The following SPATA6L variants were observed in gnomAD, a reference collection of about 807,000 sequenced individuals.
SPATA6L encodes the protein spermatogenesis associated 6 like, also known as spermatogenesis associated 6-like protein.
SPATA6L carries 68 observed loss-of-function variants against 49.2 expected under a neutral mutation model. The ratio of observed to expected loss-of-function variants is 1.38; its 90% CI spans 1.14 to 1.69. The LOEUF (loss-of-function observed/expected upper bound fraction) is 1.69, where lower values mean the gene tolerates loss of function less well. Among genes scored for constraint, SPATA6L ranks in the 40% most tolerant of loss-of-function variants. The probability of loss-of-function intolerance (pLI) is 0.00; values close to 1 mark genes in which losing one functional copy is unlikely to be tolerated. For synonymous variants in SPATA6L, 198 were observed against 165.7 expected (o/e 1.19, Z -1.50); for missense variants, 668 against 464.3 (o/e 1.44, Z -4.03).
intron 3 of SPATA6L, among the ~76,000 whole-genome samples, chr9:4,638,576 A>T (rs10125778): frequency 0.14 from 21,510 of 151,992 alleles, 2,358 homozygotes; most frequent in African/African-American, 0.3. Flanking sequence ...GCCTTCTTCA[A>T]CCATGCTCCT....
intron 3 of SPATA6L, among the ~76,000 whole-genome samples, chr9:4,635,667 T>A (rs1290819372): frequency 6.6e-6 from 1 of 152,240 alleles, no homozygotes; most frequent in Non-Finnish European, 1.5e-5. Context: ...TCTTTCCATA[T>A]ATCCATCCAA....
At chr9:4,629,755 A>ATGTGTG (rs370931784) in intron 4 of SPATA6L, among the ~76,000 whole-genome samples, 31 of 125,424 alleles carry the variant, frequency 2.5e-4, no homozygotes, top group African/African-American at 9.0e-4. Flanking sequence ...TGTTTTATAT[A>ATGTGTG]TGTGTGTGTG....
intron 9 of SPATA6L, among the ~76,000 whole-genome samples, chr9:4,614,689 A>T (rs1241061196): frequency 6.6e-6 from 1 of 152,090 alleles, no homozygotes; most frequent in Non-Finnish European, 1.5e-5. Context: ...CAGGATGCAA[A>T]CTTTTGGTAC....
chr9:4,626,356 G>T, intron 5 of SPATA6L: 1 of 1,258,560 alleles, frequency 7.9e-7, no homozygotes, highest in Non-Finnish European at 1.0e-6. Context: ...CTTCCTCCAA[G>T]CTCCTGTGGC....
chr9:4,603,452 C>G (rs1039910276), intron 11 of SPATA6L, among the ~76,000 whole-genome samples: 1 of 152,092 alleles, frequency 6.6e-6, no homozygotes, highest in Admixed American at 6.6e-5. Context: ...AAAAAAAACC[C>G]TCTTTACTGA....
At chr9:4,603,631 G>A (rs1823928787) in intron 11 of SPATA6L, among the ~76,000 whole-genome samples, 1 of 152,134 alleles carries the variant, frequency 6.6e-6, no homozygotes, top group Non-Finnish European at 1.5e-5. Context: ...AACAGAGACA[G>A]ATTCTCTGAT....
In SPATA6L at chr9:4,656,051, G is replaced by C. The variant is rs537948986; in HGVS notation, c.216C>G (p.Asp72Glu). The change falls in exon 3 of 12, where the codon GAC (aspartate) becomes GAG (glutamate). Residue 72 changes from aspartate (D) to glutamate (E), a missense_variant. Physicochemically the swap from Asp to Glu is conservative, Grantham distance 45 (BLOSUM62 2). Coordinates refer to ENST00000682582, the MANE Select transcript of SPATA6L (RefSeq NM_001353486.2). Reference protein sequence around the residue: ...ESAVDPGAVVDLLEMWDELAY... With the variant: ...ESAVDPGAVVELLEMWDELAY... The stretch of plus-strand genomic sequence containing the variant: ...TTTCAGAGTACCTACTTTCCAAAAG[G>C]TCTACTACAGCTCCAGGATCTACTG... The C allele has an allele frequency of 2.2e-5, 36 of 1,612,446 alleles. No individual in the cohort carries two copies. The African/African-American group carries it at 3.2e-4, about 14-fold the overall frequency.
chr9:4,616,583 T>TTTTG (rs912647687), intron 9 of SPATA6L, among the ~76,000 whole-genome samples: 11 of 152,242 alleles, frequency 7.2e-5, no homozygotes, highest in Admixed American at 1.3e-4. Context: ...AGAGCCAGTT[T>TTTTG]TTTGTTTGTT....
chr9:4,597,980 C>T (rs1209246535), downstream of SPATA6L, among the ~76,000 whole-genome samples: 1 of 152,230 alleles, frequency 6.6e-6, no homozygotes, highest in Non-Finnish European at 1.5e-5. Context: ...AACTCACACA[C>T]ATACCCATCA....
At chr9:4,592,131 AT>A (rs987374762) in intron 13 of SPATA6L, among the ~76,000 whole-genome samples, 24 of 152,108 alleles carry the variant, frequency 1.6e-4, no homozygotes, top group Admixed American at 3.3e-4. Flanking sequence ...CCTGGCCAAC[AT>A]GATGAAACCC....
At chr9:4,603,342 A>G (rs1480685099) in intron 11 of SPATA6L, among the ~76,000 whole-genome samples, 1 of 152,166 alleles carries the variant, frequency 6.6e-6, no homozygotes, top group Admixed American at 6.5e-5. Flanking sequence ...AGGCAGGAGA[A>G]TCACTTGAAC....
intron 1 of SPATA6L, chr9:4,663,138 C>T (rs1840272303): frequency 6.2e-7 from 1 of 1,614,082 alleles, no homozygotes; most frequent in Non-Finnish European, 8.5e-7. Flanking sequence ...CATGCTGGGG[C>T]GGCACAATGT....
chr9:4,647,311 G>T (rs956271579), intron 3 of SPATA6L, among the ~76,000 whole-genome samples: 1 of 152,062 alleles, frequency 6.6e-6, no homozygotes, highest in Non-Finnish European at 1.5e-5. Context: ...ACTTTTCAAG[G>T]CCAGGCACAG....
rs574675161 is a variant in SPATA6L at position 4,643,721 on chromosome 9, T to C, written c.227-8322A>G. Among the ~76,000 whole-genome samples the C allele has an allele frequency of 7.9e-5, 12 of 152,308 alleles. No individual in the cohort carries two copies. The East Asian group carries it at 1.9e-3, about 24-fold the overall frequency. ...CTTTATAGCTATCAAAATAATGATGTAGGCCGGGGGCAGTGGCTCACGTCT... is the reference window on the plus strand; with the variant it reads ...CTTTATAGCTATCAAAATAATGATGCAGGCCGGGGGCAGTGGCTCACGTCT... On this transcript the variant is annotated intron_variant, in intron 3 of 11. Coordinates refer to ENST00000682582, the MANE Select transcript of SPATA6L (RefSeq NM_001353486.2).
In SPATA6L at chr9:4,662,680, CCCTGCGCTCCCTGCTGGCCATCGA is replaced by C. The variant is rs1331107077; in HGVS notation, c.40-668_40-645del. ...TTGAACCCGTCCTTCCTGGGCATCG[CCCTGCGCTCCCTGCTGGCCATCGA>C]CCTGTGGCTGTCCAAGAAGCTGGGG... On this transcript the variant is annotated intron_variant, in intron 1 of 11. Coordinates refer to ENST00000682582, the MANE Select transcript of SPATA6L (RefSeq NM_001353486.2). This position sits in a 1 kb window ranked among gnomAD's most constrained non-coding sequence, Gnocchi z 4.9. The C allele has an allele frequency of 6.2e-7, 1 of 1,600,470 alleles. No homozygotes were observed. The highest frequency in any genetic ancestry group is 1.3e-5 in the African/African-American group (1 of 74,940).
At chr9:4,627,741 C>G in intron 5 of SPATA6L, 1 of 1,289,286 alleles carries the variant, frequency 7.8e-7, no homozygotes, top group Non-Finnish European at 1.0e-6. Flanking sequence ...CCCTAAGACG[C>G]TTCACGCTTA....
chr9:4,655,944 A>G lies in SPATA6L; in HGVS notation c.226+97T>C, dbSNP rs1838058296. 3.2e-6 allele frequency: 3 copies of G among 948,028 alleles called. No homozygotes were observed. The Admixed American group carries it at 7.2e-5, about 23-fold the overall frequency. 58.7% of individuals were successfully genotyped at this position (948,028 alleles called of 1,614,324 possible). A position where few individuals can be genotyped will look rare whatever the true frequency, so the allele number is the denominator to read the frequency against. ...GTCTTGAAATAAATATTCATCAAACATGAACATATCACAGTTTAGAAAAGA... is the reference window on the plus strand; with the variant it reads ...GTCTTGAAATAAATATTCATCAAACGTGAACATATCACAGTTTAGAAAAGA... On this transcript the variant is annotated intron_variant, in intron 3 of 11. Coordinates refer to ENST00000682582, the MANE Select transcript of SPATA6L (RefSeq NM_001353486.2).
chr9:4,619,155 CTTTTT>C (rs57028759), intron 7 of SPATA6L, among the ~76,000 whole-genome samples: 2 of 118,174 alleles, frequency 1.7e-5, no homozygotes, highest in Non-Finnish European at 3.4e-5. Context: ...CAGGTTTTCT[CTTTTT>C]TTTTTTTTTT....
intron 11 of SPATA6L, among the ~76,000 whole-genome samples, chr9:4,602,557 C>T (rs891580747): frequency 6.6e-6 from 1 of 152,194 alleles, no homozygotes; most frequent in Non-Finnish European, 1.5e-5. Context: ...AGCAGGTCAT[C>T]CCACACTCCT....
Sources: allele counts gnomAD v4.1 joint callset (sites outside exome capture counted in the v4.1 genomes callset), GRCh38; gene constraint gnomAD v4.1.1; non-coding constraint Gnocchi (gnomAD v3.1); transcripts MANE v1.5; gene names NCBI Gene and HGNC (gene_info 2026-07-23, HGNC 2026-07-21).